The following MAP3K20 variants were observed in gnomAD, a reference collection of about 807,000 sequenced individuals.
The protein encoded by MAP3K20 is mitogen-activated protein kinase kinase kinase 20.
Under a neutral mutation model 85.7 loss-of-function variants are expected in MAP3K20, and 40 were observed. That is an observed-to-expected ratio of 0.47 (90% confidence interval 0.36 to 0.61). The LOEUF is 0.61. MAP3K20 is among the 20% of genes least tolerant of loss of function. The pLI is 0.00. For synonymous variants in MAP3K20, 325 were observed against 327.7 expected (o/e 0.99, Z 0.09); for missense variants, 817 against 961.7 (o/e 0.85, Z 1.99).
intron 2 of MAP3K20, among the ~76,000 whole-genome samples, chr2:173,092,038 C>T (rs1247327841): frequency 6.6e-6 from 1 of 152,202 alleles, no homozygotes; most frequent in African/African-American, 2.4e-5. Context: ...CCATAAATAT[C>T]CTTTAATCTC....
intron 4 of MAP3K20, among the ~76,000 whole-genome samples, chr2:173,186,772 A>G (rs1433444969): frequency 1.3e-5 from 2 of 152,034 alleles, no homozygotes; most frequent in East Asian, 1.9e-4. Context: ...GGGGTAGACA[A>G]TACGTAAATA....
chr2:173,106,756 C>T (rs1428136170), intron 2 of MAP3K20, among the ~76,000 whole-genome samples: 1 of 151,996 alleles, frequency 6.6e-6, no homozygotes, highest in African/African-American at 2.4e-5. Flanking sequence ...GGGTGTGACA[C>T]TCATAAGGTA....
chr2:173,218,840 C>T (rs190838212), intron 11 of MAP3K20, among the ~76,000 whole-genome samples: 16 of 152,160 alleles, frequency 1.1e-4, no homozygotes, highest in Non-Finnish European at 2.2e-4. Context: ...AACATAGTTG[C>T]GTAATAAATA....
intron 16 of MAP3K20, among the ~76,000 whole-genome samples, chr2:173,240,136 C>T (rs574876936): frequency 1.3e-5 from 2 of 152,258 alleles, no homozygotes; most frequent in Non-Finnish European, 2.9e-5. Flanking sequence ...AACTACTTTC[C>T]CCCATTTTGC....
intron 5 of MAP3K20, among the ~76,000 whole-genome samples, chr2:173,189,280 T>A (rs568601299): frequency 6.6e-6 from 1 of 152,312 alleles, no homozygotes; most frequent in Non-Finnish European, 1.5e-5. Context: ...TTACTTATAG[T>A]ACCAGGTTTA....
intron 3 of MAP3K20, among the ~76,000 whole-genome samples, chr2:173,170,574 C>G (rs75681708): frequency 6.6e-6 from 1 of 151,952 alleles, no homozygotes; most frequent in African/African-American, 2.4e-5. Context: ...TTTATCTTGG[C>G]AAATCTTTGA....
chr2:173,076,179 G>GCGT (rs1468731564), intron 1 of MAP3K20, among the ~76,000 whole-genome samples, 177 bp downstream of exon 1: 3 of 151,428 alleles, frequency 2.0e-5, no homozygotes, highest in South Asian at 2.1e-4. Flanking sequence ...GGCGGCGGCG[G>GCGT]CCGGAGCGAG....
At chr2:173,166,607 A>G (rs1689830460) in intron 2 of MAP3K20, 1 of 145,886 alleles carries the variant, frequency 6.9e-6, no homozygotes, top group Non-Finnish European at 1.5e-5. Context: ...TCAATTAAAC[A>G]AAAATAAAAT....
chr2:173,155,143 G>A (rs1456690790), intron 2 of MAP3K20, among the ~76,000 whole-genome samples: 4 of 152,154 alleles, frequency 2.6e-5, no homozygotes, highest in East Asian at 3.9e-4. Flanking sequence ...TGGGGAAGGG[G>A]AGGGGTACAT....
intron 4 of MAP3K20, among the ~76,000 whole-genome samples, chr2:173,186,769 A>G (rs1043522035): frequency 5.9e-5 from 9 of 152,112 alleles, no homozygotes; most frequent in Admixed American, 2.0e-4. Flanking sequence ...AAAGGGGTAG[A>G]CAATACGTAA....
intron 2 of MAP3K20, among the ~76,000 whole-genome samples, chr2:173,108,706 T>C (rs192415180): frequency 2.3e-4 from 35 of 152,326 alleles, no homozygotes; most frequent in African/African-American, 6.7e-4. Flanking sequence ...GTTTGAAAGA[T>C]TGACAGAAGT....
Position 173,256,967 on chromosome 2 carries a change from C to T in MAP3K20, c.1360-1732C>T, listed in dbSNP as rs557768448. 5.3e-5 allele frequency among the ~76,000 whole-genome samples: 8 copies of T among 152,092 alleles called. No individual in the cohort carries two copies. In the East Asian group the frequency reaches 1.5e-3, roughly 29 times the overall value. The stretch of plus-strand genomic sequence containing the variant: ...AGGAATTTGAGACCAGCTTGAGCAA[C>T]AACACAGTGAAACCCTAGCTCTACA... On this transcript the variant is annotated intron_variant, in intron 16 of 19. Transcript: ENST00000375213.
At chr2:173,146,834 G>T (rs1039464040) in intron 2 of MAP3K20, among the ~76,000 whole-genome samples, 1 of 152,070 alleles carries the variant, frequency 6.6e-6, no homozygotes, top group African/African-American at 2.4e-5. Flanking sequence ...AGGGTATGTG[G>T]GTTCTAACTT....
At chr2:173,235,638 T>G (rs558234573) in intron 14 of MAP3K20, among the ~76,000 whole-genome samples, 4 of 152,162 alleles carry the variant, frequency 2.6e-5, no homozygotes, top group Non-Finnish European at 5.9e-5. Flanking sequence ...GATGAAAATG[T>G]TTTGGAACTA....
chr2:173,126,387 T>A (rs1270063016), intron 2 of MAP3K20, among the ~76,000 whole-genome samples: 1 of 152,088 alleles, frequency 6.6e-6, no homozygotes, highest in Non-Finnish European at 1.5e-5. Flanking sequence ...TTTCTTTTTG[T>A]TTTTGTTTTT....
At chr2:173,098,130 G>A (rs536546022) in intron 2 of MAP3K20, among the ~76,000 whole-genome samples, 37 of 152,116 alleles carry the variant, frequency 2.4e-4, no homozygotes, top group African/African-American at 8.2e-4. Flanking sequence ...TAAGTATATC[G>A]ATGGGACCAA....
intron 2 of MAP3K20, among the ~76,000 whole-genome samples, chr2:173,096,174 A>G (rs1687454176): frequency 6.6e-6 from 1 of 152,156 alleles, no homozygotes; most frequent in African/African-American, 2.4e-5. Context: ...TATTGTTCCT[A>G]GAATTCAGTA....
intron 3 of MAP3K20, among the ~76,000 whole-genome samples, chr2:173,171,600 A>T (rs16861299): frequency 0.011 from 1,737 of 152,322 alleles, 29 homozygotes; most frequent in African/African-American, 0.039. Flanking sequence ...AGGTCATCTC[A>T]TCTGAAAGAG....
At chr2:173,127,345 G>T (rs1688473042) in intron 2 of MAP3K20, among the ~76,000 whole-genome samples, 1 of 152,142 alleles carries the variant, frequency 6.6e-6, no homozygotes, top group Non-Finnish European at 1.5e-5. Context: ...TATTCATAAT[G>T]AAGGAAAGAT....
Sources: gnomAD v4.1 joint callset for allele counts (sites outside exome capture counted in the v4.1 genomes callset) on GRCh38, gnomAD v4.1.1 for gene constraint, MANE v1.5 for transcripts, NCBI Gene and HGNC (gene_info 2026-07-23, HGNC 2026-07-21) for gene names.